Variants in GLIS3 observed in about 807,000 individuals in gnomAD.
GLIS3 encodes the protein zinc finger protein GLIS3.
In GLIS3, 53 loss-of-function variants were observed where a neutral mutation model predicts 78.6. The observed-to-expected ratio is 0.67, with a 90% CI of 0.54 to 0.85. The LOEUF (loss-of-function observed/expected upper bound fraction) is 0.85, where lower values mean the gene tolerates loss of function less well. Among genes scored for constraint, GLIS3 ranks in the 40% least tolerant of loss-of-function variants. The pLI is 0.00. For missense variants in GLIS3, 1,703 were observed against 1,231.1 expected (o/e 1.38, Z -5.74); for synonymous variants, 684 against 509.9 (o/e 1.34, Z -4.60).
intron 6 of GLIS3, among the ~76,000 whole-genome samples, chr9:3,928,615 A>T (rs1360801357): frequency 6.6e-6 from 1 of 152,188 alleles, no homozygotes; most frequent in Non-Finnish European, 1.5e-5. Context: ...GTTCTCTATG[A>T]AGAATTACAG....
At chr9:4,336,103 G>A (rs972858186) in intron 2 of GLIS3, among the ~76,000 whole-genome samples, 2 of 152,136 alleles carry the variant, frequency 1.3e-5, no homozygotes, top group African/African-American at 2.4e-5. Flanking sequence ...AAGCCACATG[G>A]CATGATATTA....
At chr9:4,476,118 C>A in the GLIS3 span, among the ~76,000 whole-genome samples, 1 of 151,998 alleles carries the variant, frequency 6.6e-6, no homozygotes, top group Admixed American at 6.6e-5. Flanking sequence ...TTATGAAATT[C>A]TTAAAAACCA....
intron 2 of GLIS3, among the ~76,000 whole-genome samples, chr9:4,183,418 T>C (rs1002548461): frequency 6.6e-6 from 1 of 152,226 alleles, no homozygotes; most frequent in African/African-American, 2.4e-5. Flanking sequence ...AAAGACTCCA[T>C]GCCTTTTTCA....
intron 8 of GLIS3, among the ~76,000 whole-genome samples, chr9:3,877,101 G>T (rs1821366508): frequency 6.6e-6 from 1 of 152,186 alleles, no homozygotes; most frequent in Non-Finnish European, 1.5e-5. Context: ...AGGAGGTGCA[G>T]TGAAGGGAGG....
rs565669239 is a variant in GLIS3 at position 3,936,893 on chromosome 9, G to A, written c.1872+135C>T. On this transcript the variant is annotated intron_variant, in intron 5 of 10. Transcript: ENST00000381971. ...AGGGCCCCATCTGGCCTTTTACCAG[G>A]CTCCACTGCTGCCCTTGGCATTGTC... 1.3e-4 allele frequency: 160 copies of A among 1,185,946 alleles called. No individual in the cohort carries two copies. The African/African-American group carries it at 2.2e-3, about 16-fold the overall frequency. The allele number at this position is 1,185,946 out of a possible 1,614,324, so 73.5% of individuals were successfully genotyped here. A position where few individuals can be genotyped will look rare whatever the true frequency, so the allele number is the denominator to read the frequency against.
intron 9 of GLIS3, among the ~76,000 whole-genome samples, chr9:3,837,112 T>C (rs1818400159): frequency 6.6e-6 from 1 of 152,148 alleles, no homozygotes; most frequent in Non-Finnish European, 1.5e-5. Flanking sequence ...ATATGTCACA[T>C]CCATTGTAAC....
At chr9:4,399,918 G>A in the GLIS3 span, among the ~76,000 whole-genome samples, 1 of 152,204 alleles carries the variant, frequency 6.6e-6, no homozygotes, top group East Asian at 1.9e-4. Flanking sequence ...GGCCAGAGGT[G>A]AGATACTACG....
chr9:4,461,760 C>T, the GLIS3 span, among the ~76,000 whole-genome samples: 1 of 152,142 alleles, frequency 6.6e-6, no homozygotes, highest in African/African-American at 2.4e-5. Context: ...AGCCATGTCC[C>T]AACTAGCATT....
chr9:4,453,365 G>C, the GLIS3 span, among the ~76,000 whole-genome samples: 1 of 93,698 alleles, frequency 1.1e-5, no homozygotes, highest in Non-Finnish European at 2.4e-5. Context: ...AAAAAAAAAA[G>C]AAAAAACTAC....
At chr9:4,162,472 C>A (rs1421572060) in intron 2 of GLIS3, among the ~76,000 whole-genome samples, 1 of 152,062 alleles carries the variant, frequency 6.6e-6, no homozygotes, top group Non-Finnish European at 1.5e-5. Flanking sequence ...CAAGCAAGAA[C>A]AATGGAAGGA....
rs765134430 is a variant in GLIS3 at position 4,285,946 on chromosome 9, T to C, written c.388+92A>G. The C allele has an allele frequency of 3.5e-6, 5 of 1,438,250 alleles. No homozygotes were observed. The East Asian group carries it at 6.8e-5, about 20-fold the overall frequency. The allele number at this position is 1,438,250 out of a possible 1,614,324, so 89.1% of individuals were successfully genotyped here. A position where few individuals can be genotyped will look rare whatever the true frequency, so the allele number is the denominator to read the frequency against. The stretch of plus-strand genomic sequence containing the variant: ...CATCTTTGACCCTGACACTGAATCA[T>C]GTATTTTTCCATAGGATTTGCTGGC... On this transcript the variant is annotated intron_variant, in intron 2 of 10. Coordinates refer to ENST00000381971, the MANE Select transcript of GLIS3 (RefSeq NM_001042413.2).
intron 4 of GLIS3, among the ~76,000 whole-genome samples, chr9:3,953,795 C>CTCTA (rs1403671770): frequency 0.014 from 993 of 72,606 alleles, 9 homozygotes; most frequent in East Asian, 0.047. Context: ...CTCTCTCTCT[C>CTCTA]TATATATATA....
intron 7 of GLIS3, among the ~76,000 whole-genome samples, chr9:3,895,482 C>T (rs1822762332): frequency 1.3e-5 from 2 of 152,288 alleles, no homozygotes; most frequent in Middle Eastern, 6.8e-3. Context: ...CAAGTAAACA[C>T]CTTAATTTTA....
At chr9:4,137,681 A>G (rs1391872815) in intron 2 of GLIS3, among the ~76,000 whole-genome samples, 1 of 152,198 alleles carries the variant, frequency 6.6e-6, no homozygotes, top group Non-Finnish European at 1.5e-5. Flanking sequence ...CTAAAGTCCC[A>G]TCCGTCAGCT....
chr9:4,278,320 G>T (rs537743397), intron 2 of GLIS3, among the ~76,000 whole-genome samples: 1 of 152,096 alleles, frequency 6.6e-6, no homozygotes, highest in Non-Finnish European at 1.5e-5. Context: ...CCACTAAGAG[G>T]GACTTGAGCT....
At chr9:4,344,353 A>G (rs150907060) in intron 2 of GLIS3, among the ~76,000 whole-genome samples, 78 of 152,286 alleles carry the variant, frequency 5.1e-4, no homozygotes, top group Middle Eastern at 3.4e-3. Flanking sequence ...TTTCACCTGC[A>G]TTTGGCATTT....
intron 2 of GLIS3, among the ~76,000 whole-genome samples, chr9:4,206,418 TA>T (rs1819885850): frequency 6.6e-6 from 1 of 152,256 alleles, no homozygotes; most frequent in Non-Finnish European, 1.5e-5. Flanking sequence ...GCTTATTTTC[TA>T]TTACTATTTC....
At chr9:3,997,617 T>G (rs759196865) in intron 4 of GLIS3, among the ~76,000 whole-genome samples, 1 of 151,974 alleles carries the variant, frequency 6.6e-6, no homozygotes, top group Non-Finnish European at 1.5e-5. Flanking sequence ...GAAAGTAAGA[T>G]TCATTGATCA....
the GLIS3 span, among the ~76,000 whole-genome samples, chr9:4,397,186 C>T: frequency 6.1e-4 from 86 of 141,128 alleles, 6 homozygotes; most frequent in South Asian, 9.2e-4. Context: ...CCACTACGCC[C>T]GGCTAATTTT....
Sources: allele counts gnomAD v4.1 joint callset (sites outside exome capture counted in the v4.1 genomes callset), GRCh38; gene constraint gnomAD v4.1.1; transcripts MANE v1.5; gene names NCBI Gene and HGNC (gene_info 2026-07-23, HGNC 2026-07-21).